Variants in HMCN2 observed in about 807,000 individuals in gnomAD.
HMCN2 encodes the protein hemicentin-2.
In HMCN2, 325 loss-of-function variants were observed where a neutral mutation model predicts 377.5. The ratio of observed to expected loss-of-function variants is 0.86; its 90% CI spans 0.79 to 0.94. The LOEUF is 0.94. Among genes scored for constraint, HMCN2 ranks in the 40% least tolerant of loss-of-function variants. HMCN2 has a pLI of 0.00. For missense variants in HMCN2, 4,543 were observed against 4,725.3 expected, an observed-to-expected ratio of 0.96 and a Z score of 1.13; for synonymous variants, 2,007 against 2,046.8, an observed-to-expected ratio of 0.98 and a Z score of 0.53.
At chr9:130,267,737 A>C (rs1343675189) in intron 1 of HMCN2, among the ~76,000 whole-genome samples, 1 of 152,242 alleles carries the variant, frequency 6.6e-6, no homozygotes, top group Non-Finnish European at 1.5e-5. Context: ...TTTGCAGCTC[A>C]AAGCTCAGAA....
At chr9:130,285,943 C>T (rs543047137) in intron 3 of HMCN2, among the ~76,000 whole-genome samples, 2 of 152,322 alleles carry the variant, frequency 1.3e-5, no homozygotes, top group Admixed American at 1.3e-4. Context: ...TAGCAGTTCC[C>T]AATATGGAGC....
At chr9:130,266,667 G>A (rs1319132597) in intron 1 of HMCN2, among the ~76,000 whole-genome samples, 1 of 152,208 alleles carries the variant, frequency 6.6e-6, no homozygotes, top group Non-Finnish European at 1.5e-5. Context: ...CACCCTTGCT[G>A]GTCTTGTCCC....
At chr9:130,398,440 A>G (rs1255608199) in intron 74 of HMCN2, 111 bp from the exon 75 acceptor site, 5 of 362,634 alleles carry the variant, frequency 1.4e-5, no homozygotes, top group Non-Finnish European at 1.9e-5. Flanking sequence ...GTGCTCCCTC[A>G]GGGATGGGTG....
At position 130,391,485 on chromosome 9, in the gene HMCN2, G is replaced by A. The variant is rs985197953; in HGVS notation, c.9863G>A (p.Gly3288Asp). Reference sequence around the variant, plus strand: ...GACGGCGGCTCCCTGGTGCTAAAAGGCCTGAGGGCCTCGGACGCGGGTGCC... The same window carrying A: ...GACGGCGGCTCCCTGGTGCTAAAAGACCTGAGGGCCTCGGACGCGGGTGCC... ...YLDGGSLVLK[G>D]LRASDAGAYT... The change falls in exon 65 of 98, where the codon GGC (glycine) becomes GAC (aspartate). Residue 3288 changes from glycine to aspartate, a missense_variant. Gly to Asp is a moderately conservative substitution (Grantham distance 94). This residue lies in a region of HMCN2 where 1,073 missense variants were observed against 1,319.5 expected (regional missense o/e 0.81). Transcript: ENST00000683500. 2 of 987,766 alleles carry A rather than the reference G, an allele frequency of 2.0e-6. No individual in the cohort carries two copies. Among genetic ancestry groups the A allele is most frequent in the African/African-American group, 3.5e-5 (2 of 57,302 alleles). 61.2% of individuals were successfully genotyped at this position (987,766 alleles called of 1,614,324 possible).
At chr9:130,397,328 A>G (rs1427662773) in intron 73 of HMCN2, among the ~76,000 whole-genome samples, 200 bp from the exon 74 acceptor site, 3 of 152,270 alleles carry the variant, frequency 2.0e-5, no homozygotes, top group South Asian at 4.1e-4. Flanking sequence ...CCCCAATTCA[A>G]TCATCTCCTA....
rs551463867 is a variant in HMCN2, at chr9:130,398,712, C to T, written c.11483+5C>T. 1.5e-5 allele frequency: 19 copies of T among 1,288,570 alleles called. No individual in the cohort carries two copies. The African/African-American group carries it at 1.7e-4, about 11-fold the overall frequency. The allele number at this position is 1,288,570 out of a possible 1,614,324, so 79.8% of individuals were successfully genotyped here. A position where few individuals can be genotyped will look rare whatever the true frequency, so the allele number is the denominator to read the frequency against. ...CCTGCAGCAGGGCGCCTACCGGTAA[C>T]GAGCTGGACTTTGCGGTGGCTTCCT... is the stretch of plus-strand genomic sequence containing the variant. On this transcript the variant is annotated splice_donor_5th_base_variant and intron_variant, in intron 75 of 97. Coordinates refer to ENST00000683500, the MANE Select transcript of HMCN2 (RefSeq NM_001291815.2).
At chr9:130,318,064 C>G (rs1326836691) in intron 15 of HMCN2, among the ~76,000 whole-genome samples, 2 of 152,052 alleles carry the variant, frequency 1.3e-5, no homozygotes, top group African/African-American at 4.8e-5. Flanking sequence ...TAGGGCGGGC[C>G]CAAGGAAAGG....
chr9:130,424,276 T>C (rs1474785414), intron 87 of HMCN2, among the ~76,000 whole-genome samples: 2 of 151,502 alleles, frequency 1.3e-5, no homozygotes, highest in Non-Finnish European at 2.9e-5. Context: ...CCTTCCGGGT[T>C]CACACCATTA....
intron 85 of HMCN2, among the ~76,000 whole-genome samples, chr9:130,411,670 C>G (rs915042909): frequency 6.6e-6 from 1 of 151,022 alleles, no homozygotes; most frequent in African/African-American, 2.4e-5. Flanking sequence ...ATAGATGAAC[C>G]TTGAGGTCAT....
rs1230107895 is a variant in HMCN2, at chr9:130,303,105, C to T, written c.1421+104C>T. 3 of 344,160 alleles carry T rather than the reference C, an allele frequency of 8.7e-6. No homozygotes were observed. The highest frequency in any genetic ancestry group is 2.1e-5 in the African/African-American group (1 of 46,568). 21.3% of individuals were successfully genotyped at this position (344,160 alleles called of 1,614,324 possible). A position where few individuals can be genotyped will look rare whatever the true frequency, so the allele number is the denominator to read the frequency against. ...TGGGTGGCAGGAGAGAGACCTTGGT[C>T]TCTGTCATTATCCTCCTGGGCAGCC... On this transcript the variant is annotated intron_variant, in intron 9 of 97. Coordinates refer to ENST00000683500, the MANE Select transcript of HMCN2 (RefSeq NM_001291815.2). This position sits in a 1 kb window ranked among gnomAD's most constrained non-coding sequence, Gnocchi z 5.2.
At position 130,433,335 on chromosome 9, in the gene HMCN2, G is replaced by C. The variant is rs1234321379; in HGVS notation, c.14895-13G>C. Reference sequence around the variant, plus strand: ...CCCGAGTCCGCCTGTCCGTGTGTCTGTGCCGCCCGCAGGACGTGCTTCCGG... The same window carrying C: ...CCCGAGTCCGCCTGTCCGTGTGTCTCTGCCGCCCGCAGGACGTGCTTCCGG... On this transcript the variant is annotated splice_polypyrimidine_tract_variant and intron_variant, in intron 97 of 97. Transcript: ENST00000683500. The C allele has an allele frequency of 7.0e-7, 1 of 1,433,084 alleles. No homozygotes were observed. The highest frequency in any genetic ancestry group is 1.5e-5 in the South Asian group (1 of 68,868). The allele number at this position is 1,433,084 out of a possible 1,614,324, so 88.8% of individuals were successfully genotyped here.
chr9:130,430,752 C>A, intron 95 of HMCN2, 148 bp downstream of exon 95: 1 of 706,732 alleles, frequency 1.4e-6, no homozygotes, highest in Non-Finnish European at 2.3e-6. Context: ...GTGGCTTCTC[C>A]AATGCAGGGT....
chr9:130,356,010 C>T, intron 33 of HMCN2, 78 bp from the exon 34 acceptor site: 1 of 1,031,982 alleles, frequency 9.7e-7, no homozygotes, highest in South Asian at 1.6e-5. Context: ...GGAGGAACTT[C>T]TAGGTTTCCT....
rs780875876 is a variant in HMCN2, at chr9:130,428,986, C to A, written c.14197+497C>A. Reference sequence around the variant, plus strand: ...CTCTAACAGTCTATGGCTGTAGGACCGTGGGTCCACCCGGCTCCTCTGAGA... The same window carrying A: ...CTCTAACAGTCTATGGCTGTAGGACAGTGGGTCCACCCGGCTCCTCTGAGA... On this transcript the variant is annotated intron_variant, in intron 93 of 97. Coordinates refer to ENST00000683500, the MANE Select transcript of HMCN2 (RefSeq NM_001291815.2). This position sits in a 1 kb window ranked among gnomAD's most constrained non-coding sequence, Gnocchi z 5.0. 1.3e-5 allele frequency among the ~76,000 whole-genome samples: 2 copies of A among 152,204 alleles called. No individual in the cohort carries two copies. Among genetic ancestry groups the A allele is most frequent in the Non-Finnish European group, 2.9e-5 (2 of 68,036 alleles).
chr9:130,303,479 G>C lies in HMCN2; in HGVS notation c.1422-8G>C, dbSNP rs543224831. 8.9e-6 allele frequency: 4 copies of C among 450,042 alleles called. No individual in the cohort carries two copies. Among genetic ancestry groups the C allele is most frequent in the African/African-American group, 4.1e-5 (2 of 49,346 alleles). 27.9% of individuals were successfully genotyped at this position (450,042 alleles called of 1,614,324 possible). A position where few individuals can be genotyped will look rare whatever the true frequency, so the allele number is the denominator to read the frequency against. ...GATTGTGTGTCTCCCACTGTTCCCT[G>C]TTTGCAGGGAGTCGGGAAACAGCAG... is the stretch of plus-strand genomic sequence containing the variant. On this transcript the variant is annotated splice_polypyrimidine_tract_variant and splice_region_variant and intron_variant, in intron 9 of 97. Coordinates refer to ENST00000683500, the MANE Select transcript of HMCN2 (RefSeq NM_001291815.2). This position sits in a 1 kb window ranked among gnomAD's most constrained non-coding sequence, Gnocchi z 5.2.
Position 130,386,297 on chromosome 9 carries a change from C to G in HMCN2, c.9310-146C>G, listed in dbSNP as rs1262190660. 11 of 352,662 alleles carry G rather than the reference C, an allele frequency of 3.1e-5. No individual in the cohort carries two copies. The East Asian group carries it at 9.1e-4, about 29-fold the overall frequency. The allele number at this position is 352,662 out of a possible 1,614,324, so 21.8% of individuals were successfully genotyped here. A position where few individuals can be genotyped will look rare whatever the true frequency, so the allele number is the denominator to read the frequency against. ...GGCTCTTGGAAAAGGCCAGAGCGTC[C>G]TGATTCCCTTTGGCTCCCCAGTCAG... is the stretch of plus-strand genomic sequence containing the variant. On this transcript the variant is annotated intron_variant, in intron 60 of 97. Transcript: ENST00000683500.
chr9:130,359,535 C>T (rs1282463369), intron 37 of HMCN2, 121 bp downstream of exon 37: 3 of 390,724 alleles, frequency 7.7e-6, no homozygotes, highest in South Asian at 4.3e-5. Context: ...AGGTCTTTCC[C>T]CCCCGTTTCT....
chr9:130,313,607 C>CCCA (rs1554939736), intron 15 of HMCN2, among the ~76,000 whole-genome samples: 47 of 151,916 alleles, frequency 3.1e-4, no homozygotes, highest in Non-Finnish European at 5.2e-4. Context: ...GGCACCCCCC[C>CCCA]CCATAAACCT....
chr9:130,403,324 T>C lies in HMCN2; in HGVS notation c.12009T>C (p.Ala4003=). The C allele has an allele frequency of 7.8e-7, 1 of 1,289,856 alleles. No individual in the cohort carries two copies. Among genetic ancestry groups the C allele is most frequent in the African/African-American group, 1.5e-5 (1 of 65,964 alleles). The allele number at this position is 1,289,856 out of a possible 1,614,324, so 79.9% of individuals were successfully genotyped here. A position where few individuals can be genotyped will look rare whatever the true frequency, so the allele number is the denominator to read the frequency against. ...ITWQKEGLNV[A]TGVSTQVLPG... is the part of the protein sequence containing the mutation. Reference sequence around the variant, plus strand: ...GGCAGAAGGAAGGGCTCAACGTCGCTACTGGTGAGGGCCCCTGGCAGCCAG... The same window carrying C: ...GGCAGAAGGAAGGGCTCAACGTCGCCACTGGTGAGGGCCCCTGGCAGCCAG... Residue 4003 remains alanine, a synonymous_variant, in exon 79 of 98, where the codon GCT becomes GCC. Coordinates refer to ENST00000683500, the MANE Select transcript of HMCN2 (RefSeq NM_001291815.2).
Sources: allele counts gnomAD v4.1 joint callset (sites outside exome capture counted in the v4.1 genomes callset), GRCh38; gene constraint gnomAD v4.1.1; regional missense constraint gnomAD v4.1.1; non-coding constraint Gnocchi (gnomAD v3.1); transcripts MANE v1.5; gene names NCBI Gene and HGNC (gene_info 2026-07-23, HGNC 2026-07-21).